The following TMEM108 variants were observed in gnomAD, a reference collection of about 807,000 sequenced individuals.
The protein encoded by TMEM108 is cancer/testis antigen 124.
In TMEM108, 12 loss-of-function variants were observed where a neutral mutation model predicts 35.1. The observed-to-expected ratio is 0.34, with a 90% CI of 0.22 to 0.55. The LOEUF (loss-of-function observed/expected upper bound fraction) is 0.55, where lower values mean the gene tolerates loss of function less well. Among genes scored for constraint, TMEM108 ranks in the 20% least tolerant of loss-of-function variants. The pLI, the probability that TMEM108 is intolerant of heterozygous loss-of-function variation, is 0.89. For missense variants in TMEM108, 680 were observed against 753.3 expected, an observed-to-expected ratio of 0.90 and a Z score of 1.14; for synonymous variants, 287 against 308.6, an observed-to-expected ratio of 0.93 and a Z score of 0.73.
At position 133,378,673 on chromosome 3, in the gene TMEM108, T is replaced by TAAA. The variant is rs2072914167; in HGVS notation, c.41-1076_41-1074dup. The stretch of plus-strand genomic sequence containing the variant: ...TCATGCTTGCATGAGGTACCATTTT[T>TAAA]AAAAATAGGCACATGCTATTGTGAT... On this transcript the variant is annotated intron_variant, in intron 3 of 5. Coordinates refer to ENST00000321871, the MANE Select transcript of TMEM108 (RefSeq NM_023943.4). 4 of 282,294 alleles carry TAAA rather than the reference T, an allele frequency of 1.4e-5. 1 individual carries two copies. The South Asian group carries it at 5.4e-4, about 38-fold the overall frequency. The allele number at this position is 282,294 out of a possible 1,614,324, so 17.5% of individuals were successfully genotyped here. A position where few individuals can be genotyped will look rare whatever the true frequency, so the allele number is the denominator to read the frequency against.
Position 133,043,335 on chromosome 3 carries a change from G to C in TMEM108, c.-165-2567G>C, listed in dbSNP as rs12632734. On this transcript the variant is annotated intron_variant, in intron 1 of 5. Coordinates refer to ENST00000321871, the MANE Select transcript of TMEM108 (RefSeq NM_023943.4). Reference sequence around the variant, plus strand: ...ACACACAAAATAGGGTAAGAATTCTGAGTTCTTGTCTGAGGAGCTAAAAGA... The same window carrying C: ...ACACACAAAATAGGGTAAGAATTCTCAGTTCTTGTCTGAGGAGCTAAAAGA... Among the ~76,000 whole-genome samples, 1,786 of 152,256 alleles carry C rather than the reference G, an allele frequency of 0.012. 171 individuals carry two copies. The East Asian group carries it at 0.24, about 21-fold the overall frequency.
At chr3:133,191,710 T>C (rs907443821) in intron 2 of TMEM108, among the ~76,000 whole-genome samples, 2 of 152,180 alleles carry the variant, frequency 1.3e-5, no homozygotes, top group South Asian at 4.1e-4. Context: ...TCATATGTTA[T>C]CACTGCCCAG....
intron 2 of TMEM108, among the ~76,000 whole-genome samples, chr3:133,222,099 G>A (rs757883490): frequency 4.6e-5 from 7 of 152,086 alleles, no homozygotes; most frequent in African/African-American, 9.7e-5. Context: ...TGTAAGACAC[G>A]CCTGGTGGTG....
At chr3:133,237,869 T>C (rs770335385) in intron 3 of TMEM108, among the ~76,000 whole-genome samples, 5 of 152,240 alleles carry the variant, frequency 3.3e-5, no homozygotes, top group Non-Finnish European at 7.3e-5. Flanking sequence ...ATTTTTTGTT[T>C]TACAGCTTTA....
At chr3:133,347,641 C>G (rs2071862511) in intron 3 of TMEM108, among the ~76,000 whole-genome samples, 1 of 152,034 alleles carries the variant, frequency 6.6e-6, no homozygotes. Flanking sequence ...TGCTTTATTG[C>G]ATTAGCTAGG....
At position 133,158,276 on chromosome 3, in the gene TMEM108, CG is replaced by C. The variant is rs200682362; in HGVS notation, c.-46-70988del. ...CGAGGTCAAGAAATCGAGACCATCC[CG>C]GCCAACATGGTGAAACCCCATCTCT... On this transcript the variant is annotated intron_variant, in intron 2 of 5. Coordinates refer to ENST00000321871, the MANE Select transcript of TMEM108 (RefSeq NM_023943.4). Among the ~76,000 whole-genome samples the C allele has an allele frequency of 7.2e-3, 1,095 of 151,680 alleles. 14 individuals are homozygous for C. The highest frequency in any genetic ancestry group is 0.025 in the African/African-American group (1,044 of 41,376).
At chr3:133,283,852 G>C (rs1168301910) in intron 3 of TMEM108, among the ~76,000 whole-genome samples, 1 of 152,220 alleles carries the variant, frequency 6.6e-6, no homozygotes, top group African/African-American at 2.4e-5. Flanking sequence ...CACGTATTTA[G>C]TGTCTCTCAG....
chr3:133,387,292 T>C lies in TMEM108; in HGVS notation c.1451-2888T>C, dbSNP rs1294030595. 8.1e-6 allele frequency: 8 copies of C among 985,438 alleles called. No individual in the cohort carries two copies. The African/African-American group carries it at 1.4e-4, about 17-fold the overall frequency. 61.0% of individuals were successfully genotyped at this position (985,438 alleles called of 1,614,324 possible). ...AGTTCATCTTAAGTGACTTTCCAGG[T>C]GGAATACATGGCAGAGTCACAATTT... On this transcript the variant is annotated intron_variant, in intron 4 of 5. Transcript: ENST00000321871.
At chr3:133,049,018 T>A (rs1943372128) in intron 2 of TMEM108, among the ~76,000 whole-genome samples, 1 of 152,246 alleles carries the variant, frequency 6.6e-6, no homozygotes, top group African/African-American at 2.4e-5. Context: ...ATCTGTGTTT[T>A]AACAAGACTC....
chr3:133,150,993 C>A (rs1179110809), intron 2 of TMEM108, among the ~76,000 whole-genome samples: 2 of 152,112 alleles, frequency 1.3e-5, no homozygotes, highest in Non-Finnish European at 2.9e-5. Flanking sequence ...TAATGAGTTT[C>A]CATTTCTTTC....
chr3:133,205,845 G>A (rs913709044), intron 2 of TMEM108, among the ~76,000 whole-genome samples: 1 of 152,164 alleles, frequency 6.6e-6, no homozygotes, highest in African/African-American at 2.4e-5. Context: ...ATGTTGGCCT[G>A]TCTTGCTAGA....
At chr3:133,085,178 C>G (rs1204158481) in intron 2 of TMEM108, among the ~76,000 whole-genome samples, 1 of 152,142 alleles carries the variant, frequency 6.6e-6, no homozygotes, top group Non-Finnish European at 1.5e-5. Context: ...ACAGCCTGTT[C>G]AAAGCATAGT....
intron 3 of TMEM108, among the ~76,000 whole-genome samples, chr3:133,352,956 G>T (rs2107774274): frequency 6.6e-6 from 1 of 152,240 alleles, no homozygotes; most frequent in East Asian, 1.9e-4. Context: ...CACTTGGTTG[G>T]TTCCCCTGGC....
chr3:133,172,161 GA>G (rs202002379), intron 2 of TMEM108, among the ~76,000 whole-genome samples: 2,005 of 152,278 alleles, frequency 0.013, 46 homozygotes, highest in African/African-American at 0.046. Context: ...TACAGATGAG[GA>G]AACTGACTCA....
chr3:133,273,764 C>T (rs545861453), intron 3 of TMEM108, among the ~76,000 whole-genome samples: 76 of 152,238 alleles, frequency 5.0e-4, no homozygotes, highest in Non-Finnish European at 8.1e-4. Context: ...TCATGGCAAA[C>T]GGAAGAAATA....
At chr3:133,247,735 C>T (rs925945010) in intron 3 of TMEM108, 2 of 152,138 alleles carry the variant, frequency 1.3e-5, no homozygotes, top group African/African-American at 4.8e-5. Flanking sequence ...TCTTTCAACA[C>T]ACTTTTATAA....
chr3:133,265,218 G>C (rs1946680936), intron 3 of TMEM108, among the ~76,000 whole-genome samples: 1 of 152,168 alleles, frequency 6.6e-6, no homozygotes, highest in Non-Finnish European at 1.5e-5. Flanking sequence ...GGATCCTTTG[G>C]TTATGTGTTC....
intron 2 of TMEM108, among the ~76,000 whole-genome samples, chr3:133,172,138 C>T (rs1362981562): frequency 3.9e-5 from 6 of 152,094 alleles, no homozygotes; most frequent in Non-Finnish European, 7.4e-5. Context: ...CAATTGTCCT[C>T]ATGTTTTCAT....
intron 3 of TMEM108, among the ~76,000 whole-genome samples, chr3:133,279,027 C>T (rs4292227): frequency 0.01 from 1,541 of 152,274 alleles, 24 homozygotes; most frequent in African/African-American, 0.034. Context: ...TTAAAGAGGC[C>T]TAAGGGGGCT....
Sources: allele counts gnomAD v4.1 joint callset (sites outside exome capture counted in the v4.1 genomes callset), GRCh38; gene constraint gnomAD v4.1.1; transcripts MANE v1.5; gene names NCBI Gene and HGNC (gene_info 2026-07-23, HGNC 2026-07-21).